DNTT: variants seen among roughly 807,000 people sequenced by gnomAD.
DNTT encodes nucleosidetriphosphate:DNA deoxynucleotidylexotransferase.
Under a neutral mutation model 60.9 loss-of-function variants are expected in DNTT, and 47 were observed. The ratio of observed to expected loss-of-function variants is 0.77; its 90% CI spans 0.61 to 0.98. DNTT has a LOEUF of 0.98. Ranked by LOEUF, DNTT falls within the 50% of genes least tolerant of loss-of-function variation. The pLI is 0.00. For synonymous variants in DNTT, 224 were observed against 221.2 expected (o/e 1.01, Z -0.11); for missense variants, 665 against 627.5 (o/e 1.06, Z -0.64).
chr10:96,321,453 C>G (rs546536783), intron 4 of DNTT, among the ~76,000 whole-genome samples: 5 of 152,230 alleles, frequency 3.3e-5, no homozygotes, highest in African/African-American at 7.2e-5. Flanking sequence ...TGCATGCTCA[C>G]CTGAGGCATT....
chr10:96,313,601 C>A (rs966508216), intron 1 of DNTT, among the ~76,000 whole-genome samples: 1 of 152,154 alleles, frequency 6.6e-6, no homozygotes, highest in Non-Finnish European at 1.5e-5. Context: ...GATTACATTG[C>A]CTACTGTGCT....
intron 10 of DNTT, among the ~76,000 whole-genome samples, 196 bp downstream of exon 10, chr10:96,336,170 T>A (rs1269142939): frequency 2.6e-5 from 4 of 152,164 alleles, no homozygotes; most frequent in Admixed American, 6.5e-5. Flanking sequence ...CAGAATGCAA[T>A]TCGAGAGATT....
chr10:96,322,819 A>G (rs2133990049), intron 5 of DNTT, 91 bp downstream of exon 5: 1 of 997,746 alleles, frequency 1.0e-6, no homozygotes, highest in Non-Finnish European at 1.5e-6. Flanking sequence ...CTTGGGCTGC[A>G]ATAACAAAAT....
At chr10:96,309,659 A>G (rs1427804386) in intron 1 of DNTT, among the ~76,000 whole-genome samples, 1 of 152,150 alleles carries the variant, frequency 6.6e-6, no homozygotes, top group Admixed American at 6.5e-5. Context: ...ATCTCATGGT[A>G]GTAAAATGCA....
chr10:96,324,432 C>G (rs572800026), intron 6 of DNTT, 43 bp downstream of exon 6: 1 of 1,608,722 alleles, frequency 6.2e-7, no homozygotes, highest in African/African-American at 1.3e-5. Flanking sequence ...ATGGGCTGGT[C>G]GGGTCGTGGT....
chr10:96,306,219 A>G (rs35531390), intron 1 of DNTT, among the ~76,000 whole-genome samples: 13,017 of 150,830 alleles, frequency 0.086, 755 homozygotes, highest in South Asian at 0.15. Flanking sequence ...TCAGCCTCCC[A>G]AGTAGCTGGG....
At chr10:96,327,853 C>T (rs530416497) in intron 7 of DNTT, among the ~76,000 whole-genome samples, 4 of 152,312 alleles carry the variant, frequency 2.6e-5, no homozygotes, top group South Asian at 4.1e-4. Context: ...CTCAAATTGT[C>T]GCTTGGCTGA....
intron 8 of DNTT, among the ~76,000 whole-genome samples, chr10:96,329,491 C>T (rs1401301078): frequency 2.6e-5 from 4 of 152,192 alleles, no homozygotes; most frequent in Non-Finnish European, 1.5e-5. Flanking sequence ...AGGGTCCTAC[C>T]CTTGGGACCT....
intron 1 of DNTT, among the ~76,000 whole-genome samples, chr10:96,316,205 G>T (rs1844783603): frequency 6.6e-6 from 1 of 152,156 alleles, no homozygotes; most frequent in Non-Finnish European, 1.5e-5. Context: ...ACTTTACTGT[G>T]ATTAATATGC....
chr10:96,335,240 T>C (rs966605107), intron 9 of DNTT, among the ~76,000 whole-genome samples: 1 of 152,230 alleles, frequency 6.6e-6, no homozygotes, highest in Admixed American at 6.5e-5. Flanking sequence ...TTAGGCTTCA[T>C]GTATTGCTCC....
At chr10:96,320,194 G>C (rs779177393) in intron 3 of DNTT, among the ~76,000 whole-genome samples, 1 of 152,136 alleles carries the variant, frequency 6.6e-6, no homozygotes, top group Non-Finnish European at 1.5e-5. Context: ...TGTGACCTAC[G>C]ACTACACTCA....
intron 1 of DNTT, among the ~76,000 whole-genome samples, chr10:96,307,769 A>AT (rs1181381158): frequency 7.3e-5 from 8 of 109,864 alleles, no homozygotes; most frequent in African/African-American, 2.0e-4. Flanking sequence ...ATATATATAT[A>AT]TATATATATT....
At chr10:96,309,986 GGT>G (rs1213191995) in intron 1 of DNTT, among the ~76,000 whole-genome samples, 2 of 152,172 alleles carry the variant, frequency 1.3e-5, no homozygotes, top group African/African-American at 4.8e-5. Context: ...CCTTCAAAGA[GGT>G]AACTCCGACT....
In DNTT at chr10:96,324,406, A is replaced by G; in HGVS notation, c.874+17A>G. On this transcript the variant is annotated intron_variant, in intron 6 of 10. Coordinates refer to ENST00000371174, the MANE Select transcript of DNTT (RefSeq NM_004088.4). ...AGAAAGCAGGTAAATTGTCTCTCCT[A>G]AAAGTCATTGTTGCTATGGGCTGGT... 3 of 1,613,424 alleles carry G rather than the reference A, an allele frequency of 1.9e-6. No individual in the cohort carries two copies. The highest frequency in any genetic ancestry group is 1.7e-6 in the Non-Finnish European group (2 of 1,179,528).
intron 8 of DNTT, among the ~76,000 whole-genome samples, chr10:96,331,485 G>A (rs1845005725): frequency 1.3e-5 from 2 of 152,184 alleles, no homozygotes; most frequent in African/African-American, 4.8e-5. Flanking sequence ...GGCAGGTGCC[G>A]AGGTCACAGG....
At position 96,318,482 on chromosome 10, in the gene DNTT, A is replaced by G. The variant is rs6584066; in HGVS notation, c.334A>G (p.Arg112Gly). The G allele has an allele frequency of 1, 1,611,727 of 1,613,878 alleles. 804,820 individuals carry two copies. Among genetic ancestry groups the G allele is most frequent in the East Asian group, 1 (44,874 of 44,874 alleles). ...TGTCTCCTGGCTGATCGAATGCATA[A>G]GAGCAGGGAAACCGGTGGAAATGAC... ...LDVSWLIECI[R>G]AGKPVEMTGK... The change falls in exon 2 of 11, where the codon AGA (arginine) becomes GGA (glycine). Residue 112 changes from arginine to glycine, a missense_variant. Transcript: ENST00000371174.
chr10:96,306,849 G>T (rs1844644308), intron 1 of DNTT, among the ~76,000 whole-genome samples: 1 of 152,248 alleles, frequency 6.6e-6, no homozygotes, highest in South Asian at 2.1e-4. Flanking sequence ...ACCACAGGAA[G>T]TAGAAGTCCT....
intron 7 of DNTT, among the ~76,000 whole-genome samples, chr10:96,328,092 A>G (rs112004040): frequency 0.081 from 12,323 of 152,282 alleles, 669 homozygotes; most frequent in South Asian, 0.15. Context: ...AGCACAAAGT[A>G]GGTGCTCAAG....
chr10:96,307,703 G>GTA (rs1344781767), intron 1 of DNTT, among the ~76,000 whole-genome samples: 537 of 35,254 alleles, frequency 0.015, no homozygotes, highest in Non-Finnish European at 0.024. Context: ...GTGTGTGTGT[G>GTA]TGTATATATA....
Sources: gnomAD v4.1 joint callset for allele counts (sites outside exome capture counted in the v4.1 genomes callset) on GRCh38, gnomAD v4.1.1 for gene constraint, MANE v1.5 for transcripts, NCBI Gene and HGNC (gene_info 2026-07-23, HGNC 2026-07-21) for gene names.